Variants in USP12 observed in about 807,000 individuals in gnomAD.
USP12 encodes ubiquitin carboxyl-terminal hydrolase 12.
USP12 carries 19 observed loss-of-function variants against 45.5 expected under a neutral mutation model. The observed-to-expected ratio is 0.42, with a 90% CI of 0.29 to 0.61. The LOEUF is 0.61. Among genes scored for constraint, USP12 ranks in the 20% least tolerant of loss-of-function variants. The probability of loss-of-function intolerance (pLI) is 0.22; values close to 1 mark genes in which losing one functional copy is unlikely to be tolerated. For missense variants in USP12, 242 were observed against 447.7 expected (o/e 0.54, Z 4.15); for synonymous variants, 149 against 148.8 (o/e 1.00, Z -0.01).
chr13:27,153,829 T>C (rs1016705874), intron 1 of USP12, among the ~76,000 whole-genome samples: 10 of 152,218 alleles, frequency 6.6e-5, no homozygotes, highest in Admixed American at 1.3e-4. Flanking sequence ...TTAGCCTCTC[T>C]TGCTCTGTTG....
intron 2 of USP12, among the ~76,000 whole-genome samples, chr13:27,112,289 T>A (rs73155891): frequency 0.047 from 6,918 of 145,864 alleles, 180 homozygotes; most frequent in Middle Eastern, 0.062. Context: ...CATAGCTACT[T>A]TTTTTTTTTT....
intron 1 of USP12, among the ~76,000 whole-genome samples, chr13:27,161,973 T>C (rs1487876050): frequency 6.6e-6 from 1 of 152,166 alleles, no homozygotes; most frequent in Non-Finnish European, 1.5e-5. Flanking sequence ...ATCTAAAACT[T>C]TGCTTCATGG....
At chr13:27,139,555 G>A (rs1030600705) in intron 1 of USP12, among the ~76,000 whole-genome samples, 1 of 152,304 alleles carries the variant, frequency 6.6e-6, no homozygotes, top group African/African-American at 2.4e-5. Flanking sequence ...GGCGGAGGCT[G>A]CAGTGAGCCG....
chr13:27,152,941 C>CA (rs11306580), intron 1 of USP12, among the ~76,000 whole-genome samples: 2 of 92,800 alleles, frequency 2.2e-5, no homozygotes, highest in African/African-American at 8.6e-5. Flanking sequence ...GACTCCGTCT[C>CA]AAAAAAAAAA....
chr13:27,133,626 C>CA (rs11365356), intron 1 of USP12, among the ~76,000 whole-genome samples: 3,095 of 103,294 alleles, frequency 0.03, 58 homozygotes, highest in Non-Finnish European at 0.037. Flanking sequence ...GACTCTGTCT[C>CA]AAAAAAAAAA....
intron 6 of USP12, chr13:27,077,785 TC>T (rs1431055395): frequency 1.3e-5 from 2 of 152,268 alleles, no homozygotes; most frequent in Non-Finnish European, 2.9e-5. Flanking sequence ...GAAGTTGATT[TC>T]CTGCTCAAAA....
At chr13:27,164,925 A>C (rs898437665) in intron 1 of USP12, among the ~76,000 whole-genome samples, 3 of 152,158 alleles carry the variant, frequency 2.0e-5, no homozygotes, top group African/African-American at 7.2e-5. Flanking sequence ...ATGCTCCCTA[A>C]AGGATAGAGC....
intron 1 of USP12, among the ~76,000 whole-genome samples, chr13:27,152,417 CAGA>C (rs1877611189): frequency 6.6e-6 from 1 of 151,984 alleles, no homozygotes; most frequent in Non-Finnish European, 1.5e-5. Context: ...AAGTCCAAAG[CAGA>C]TAATTATATA....
intron 1 of USP12, among the ~76,000 whole-genome samples, chr13:27,164,854 A>G (rs909235895): frequency 2.0e-5 from 3 of 152,176 alleles, no homozygotes; most frequent in African/African-American, 7.2e-5. Context: ...TTTAGACAAG[A>G]TATCTAAGAG....
At chr13:27,153,022 A>G (rs1877653804) in intron 1 of USP12, among the ~76,000 whole-genome samples, 1 of 151,188 alleles carries the variant, frequency 6.6e-6, no homozygotes. Flanking sequence ...TTAATTGTTT[A>G]CATTCAACAT....
At chr13:27,121,891 G>T (rs1876009276) in intron 1 of USP12, among the ~76,000 whole-genome samples, 1 of 152,034 alleles carries the variant, frequency 6.6e-6, no homozygotes, top group African/African-American at 2.4e-5. Context: ...AGAATTAACA[G>T]ACACAGGATG....
At chr13:27,163,786 G>GAAAAAAAAA (rs879415456) in intron 1 of USP12, among the ~76,000 whole-genome samples, 1 of 96,384 alleles carries the variant, frequency 1.0e-5, no homozygotes, top group Non-Finnish European at 2.4e-5. Context: ...AAAAAAAAAA[G>GAAAAAAAAA]AAAAAAAAAA....
intron 1 of USP12, among the ~76,000 whole-genome samples, chr13:27,161,916 C>G (rs1181852483): frequency 2.0e-5 from 3 of 150,624 alleles, no homozygotes; most frequent in Non-Finnish European, 4.4e-5. Context: ...AATTAAAAAG[C>G]CACTCATTAA....
At chr13:27,086,074 G>T (rs1873997068) in intron 6 of USP12, among the ~76,000 whole-genome samples, 1 of 150,894 alleles carries the variant, frequency 6.6e-6, no homozygotes, top group Non-Finnish European at 1.5e-5. Context: ...GAAGGCTGAG[G>T]TAGGAGGATC....
chr13:27,094,195 A>AAC (rs1392408158), intron 4 of USP12, among the ~76,000 whole-genome samples: 2 of 151,398 alleles, frequency 1.3e-5, no homozygotes, highest in South Asian at 4.2e-4. Flanking sequence ...AAAAAAAAAA[A>AAC]AAAAGTCATC....
intron 3 of USP12, 42 bp from the exon 4 acceptor site, chr13:27,095,872 C>G: frequency 6.9e-7 from 1 of 1,442,856 alleles, no homozygotes. Context: ...TTTCAGAATT[C>G]ATAACTTCAT....
intron 4 of USP12, among the ~76,000 whole-genome samples, chr13:27,090,794 G>T (rs980077228): frequency 5.9e-5 from 9 of 152,136 alleles, no homozygotes; most frequent in African/African-American, 2.2e-4. Context: ...AGCAACCTGT[G>T]CCTCTCCACT....
At chr13:27,120,661 G>A (rs946760948) in intron 1 of USP12, among the ~76,000 whole-genome samples, 3 of 151,428 alleles carry the variant, frequency 2.0e-5, no homozygotes, top group Admixed American at 6.6e-5. Context: ...GCCTTCATAG[G>A]TATCAGAATT....
Position 27,069,172 on chromosome 13 carries a change from GC to G in USP12, c.*110del. The G allele has an allele frequency of 1.2e-6, 1 of 843,566 alleles. No individual in the cohort carries two copies. Among genetic ancestry groups the G allele is most frequent in the South Asian group, 1.4e-5 (1 of 70,824 alleles). The allele number at this position is 843,566 out of a possible 1,614,324, so 52.3% of individuals were successfully genotyped here. On this transcript the variant is annotated 3_prime_UTR_variant, in exon 9 of 9. Transcript: ENST00000282344. ...TTTATCGTGTGCAAAGTGTGCTACT[GC>G]CCCCTGAGCTTCCTGCATTTCTCTT...
Sources: allele counts gnomAD v4.1 joint callset (sites outside exome capture counted in the v4.1 genomes callset), GRCh38; gene constraint gnomAD v4.1.1; transcripts MANE v1.5; gene names NCBI Gene and HGNC (gene_info 2026-07-23, HGNC 2026-07-21).